The following FRMPD2 variants were observed in gnomAD, a reference collection of about 807,000 sequenced individuals.
FRMPD2 encodes the protein FERM and PDZ domain-containing protein 2.
Under a neutral mutation model 140.1 loss-of-function variants are expected in FRMPD2, and 96 were observed. That is an observed-to-expected ratio of 0.69 (90% CI 0.58 to 0.81). The LOEUF is 0.81. Among genes scored for constraint, FRMPD2 ranks in the 40% least tolerant of loss-of-function variants. The pLI, the probability that FRMPD2 is intolerant of heterozygous loss-of-function variation, is 0.00. For missense variants in FRMPD2, 1,240 were observed against 1,447.4 expected (o/e 0.86, Z 2.32); for synonymous variants, 449 against 547.6 (o/e 0.82, Z 2.52).
At chr10:48,206,967 G>GGC in intron 13 of FRMPD2, 34 bp from the exon 14 acceptor site, 10 of 1,601,366 alleles carry the variant, frequency 6.2e-6, no homozygotes, top group Non-Finnish European at 8.5e-6. Flanking sequence ...AGAAGAGACA[G>GGC]GCACATGGTT....
At chr10:48,250,251 A>T (rs1840344705) in intron 2 of FRMPD2, among the ~76,000 whole-genome samples, 1 of 152,162 alleles carries the variant, frequency 6.6e-6, no homozygotes, top group African/African-American at 2.4e-5. Context: ...CTGGCAGGGC[A>T]CACCAGCAAA....
chr10:48,203,826 A>G (rs1646834312), intron 14 of FRMPD2, among the ~76,000 whole-genome samples: 1 of 152,174 alleles, frequency 6.6e-6, no homozygotes, highest in Non-Finnish European at 1.5e-5. Context: ...TTTTCACCCC[A>G]GTTGGTTAAG....
At chr10:48,266,313 G>C (rs1490297938) in intron 1 of FRMPD2, among the ~76,000 whole-genome samples, 1 of 152,002 alleles carries the variant, frequency 6.6e-6, no homozygotes, top group African/African-American at 2.4e-5. Flanking sequence ...AACAAACCCT[G>C]GTGACACGAG....
chr10:48,274,640 C>A lies in FRMPD2; in HGVS notation c.-73G>T. ...TCCAACAAGGAGCAGGGGTCTCTTG[C>A]AAGTCTGTCCGCGGAGCTCCCTGCC... On this transcript the variant is annotated 5_prime_UTR_variant, in exon 1 of 29. Coordinates refer to ENST00000374201, the MANE Select transcript of FRMPD2 (RefSeq NM_001018071.4). 6.9e-7 allele frequency: 1 copy of A among 1,447,472 alleles called. No homozygotes were observed. The highest frequency in any genetic ancestry group is 9.7e-7 in the Non-Finnish European group (1 of 1,032,904). 89.7% of individuals were successfully genotyped at this position (1,447,472 alleles called of 1,614,324 possible). A position where few individuals can be genotyped will look rare whatever the true frequency, so the allele number is the denominator to read the frequency against.
intron 16 of FRMPD2, 140 bp downstream of exon 16, chr10:48,192,544 G>C: frequency 1.4e-6 from 1 of 726,380 alleles, no homozygotes. Context: ...CCAAGATCAC[G>C]CCACTGCACT....
intron 13 of FRMPD2, among the ~76,000 whole-genome samples, chr10:48,211,224 T>C (rs1223691583): frequency 6.6e-6 from 1 of 152,242 alleles, no homozygotes; most frequent in East Asian, 1.9e-4. Flanking sequence ...GCAAAGACTA[T>C]TCATCATTGT....
chr10:48,245,218 C>A (rs1213239867), intron 3 of FRMPD2, among the ~76,000 whole-genome samples: 1 of 152,148 alleles, frequency 6.6e-6, no homozygotes, highest in Non-Finnish European at 1.5e-5. Flanking sequence ...CATTCCGTGA[C>A]AATGAGGCAG....
chr10:48,159,865 G>T lies in FRMPD2; in HGVS notation c.3882-2495C>A, dbSNP rs1475900191. On this transcript the variant is annotated intron_variant, in intron 28 of 28. Transcript: ENST00000374201. The stretch of plus-strand genomic sequence containing the variant: ...AACCGATAAGTGTAAGCCTTGAAGT[G>T]CACATGAGTGGGAGAACTAAATCTT... 2.6e-5 allele frequency among the ~76,000 whole-genome samples: 4 copies of T among 151,628 alleles called. 1 individual carries two copies. The highest frequency in any genetic ancestry group is 2.0e-4 in the Admixed American group (3 of 15,228).
At chr10:48,211,740 A>G (rs1564426736) in intron 13 of FRMPD2, among the ~76,000 whole-genome samples, 1 of 152,134 alleles carries the variant, frequency 6.6e-6, no homozygotes, top group East Asian at 1.9e-4. Context: ...CACCCACCCC[A>G]GCTCACTAAA....
chr10:48,248,363 C>T lies in FRMPD2; in HGVS notation c.309+658G>A, dbSNP rs551657219. ...AAAAACCTCCACTGATGTTGCCATC[C>T]AGAAACAATCACCGCAGACACTTTG... On this transcript the variant is annotated intron_variant, in intron 3 of 28. Transcript: ENST00000374201. Among the ~76,000 whole-genome samples the T allele has an allele frequency of 3.3e-5, 5 of 152,298 alleles. No homozygotes were observed. In the South Asian group the frequency reaches 1.0e-3, roughly 32 times the overall value.
At chr10:48,240,795 T>C (rs997581722) in intron 5 of FRMPD2, among the ~76,000 whole-genome samples, 1 of 152,190 alleles carries the variant, frequency 6.6e-6, no homozygotes, top group Non-Finnish European at 1.5e-5. Flanking sequence ...CCCAGAGCTG[T>C]GTGCTTTCTA....
chr10:48,209,318 G>A (rs1236367555), intron 13 of FRMPD2, among the ~76,000 whole-genome samples: 1 of 152,132 alleles, frequency 6.6e-6, no homozygotes, highest in Non-Finnish European at 1.5e-5. Flanking sequence ...GAGGAAGTTA[G>A]GAAAACACTG....
chr10:48,252,045 T>TGGGTAGTG (rs1190363671), intron 1 of FRMPD2, among the ~76,000 whole-genome samples: 2 of 152,194 alleles, frequency 1.3e-5, no homozygotes, highest in Non-Finnish European at 2.9e-5. Context: ...AACCTACACC[T>TGGGTAGTG]GGGTAGTGTG....
Position 48,168,193 on chromosome 10 carries a change from C to T in FRMPD2, c.3537+402G>A, listed in dbSNP as rs1396621172. ...GCTCTCTTCTTTGAACCAGACTGCA[C>T]GTGCCTATTTCATGCTTTAGGAGGG... On this transcript the variant is annotated intron_variant, in intron 27 of 28. Coordinates refer to ENST00000374201, the MANE Select transcript of FRMPD2 (RefSeq NM_001018071.4). Among the ~76,000 whole-genome samples, 21 of 130,762 alleles carry T rather than the reference C, an allele frequency of 1.6e-4. No homozygotes were observed. In the South Asian group the frequency reaches 2.6e-3, roughly 16 times the overall value. The allele number at this position is 130,762 out of a possible 152,430, so 85.8% of individuals were successfully genotyped here.
At chr10:48,217,755 C>A (rs933958044) in intron 12 of FRMPD2, among the ~76,000 whole-genome samples, 1 of 152,126 alleles carries the variant, frequency 6.6e-6, no homozygotes. Context: ...TTGGGCTTGT[C>A]CTTGCTCTTT....
chr10:48,203,248 C>T (rs1564424093), intron 14 of FRMPD2, among the ~76,000 whole-genome samples: 2 of 152,214 alleles, frequency 1.3e-5, no homozygotes, highest in East Asian at 3.8e-4. Context: ...GATGCCAGTG[C>T]TCCAAGGTAT....
At chr10:48,270,567 G>T (rs1433397473) in intron 1 of FRMPD2, among the ~76,000 whole-genome samples, 2 of 152,192 alleles carry the variant, frequency 1.3e-5, no homozygotes. Flanking sequence ...ATGCTCCAAA[G>T]TTACCAACCA....
intron 23 of FRMPD2, 151 bp downstream of exon 23, chr10:48,175,695 A>G: frequency 1.5e-6 from 1 of 673,808 alleles, no homozygotes. Flanking sequence ...CCTCCTTTCC[A>G]GGTGAGAAAA....
At chr10:48,215,575 A>C (rs1839426859) in intron 12 of FRMPD2, among the ~76,000 whole-genome samples, 1 of 152,200 alleles carries the variant, frequency 6.6e-6, no homozygotes, top group South Asian at 2.1e-4. Context: ...TGGTTGTATA[A>C]ATGAATGGGT....
Sources: gnomAD v4.1 joint callset for allele counts (sites outside exome capture counted in the v4.1 genomes callset) on GRCh38, gnomAD v4.1.1 for gene constraint, MANE v1.5 for transcripts, NCBI Gene and HGNC (gene_info 2026-07-23, HGNC 2026-07-21) for gene names.